The following SOBP variants were observed in gnomAD, a reference collection of about 807,000 sequenced individuals.
SOBP encodes the protein sine oculis-binding protein homolog.
SOBP carries 4 observed loss-of-function variants against 53.6 expected under a neutral mutation model. The ratio of observed to expected loss-of-function variants is 0.07; its 90% CI spans 0.04 to 0.17. SOBP has a LOEUF of 0.17. Among genes scored for constraint, SOBP ranks in the 10% least tolerant of loss-of-function variants. The pLI is 1.00. For synonymous variants in SOBP, 584 were observed against 522.6 expected (o/e 1.12, Z -1.60); for missense variants, 1,088 against 1,204.7 (o/e 0.90, Z 1.43).
At chr6:107,585,587 T>A (rs1175714480) in intron 4 of SOBP, among the ~76,000 whole-genome samples, 4 of 152,188 alleles carry the variant, frequency 2.6e-5, no homozygotes. Flanking sequence ...TATTTTAGTC[T>A]GATTTAGTAG....
At chr6:107,514,348 T>C (rs1783256273) in intron 3 of SOBP, 1 of 152,206 alleles carries the variant, frequency 6.6e-6, no homozygotes, top group Non-Finnish European at 1.5e-5. Flanking sequence ...AGAACTGTTA[T>C]ATTTATACAG....
At chr6:107,560,430 A>G (rs781268708) in intron 4 of SOBP, among the ~76,000 whole-genome samples, 4 of 152,080 alleles carry the variant, frequency 2.6e-5, no homozygotes, top group African/African-American at 7.2e-5. Flanking sequence ...TGTCCACCCA[A>G]TGACGGATTC....
intron 3 of SOBP, chr6:107,511,529 G>A (rs1199209313): frequency 5.3e-5 from 8 of 152,248 alleles, no homozygotes; most frequent in Non-Finnish European, 8.8e-5. Context: ...TCCCAAGCAT[G>A]TGTTTCATGT....
chr6:107,557,139 T>C (rs1784634251), intron 4 of SOBP, among the ~76,000 whole-genome samples: 1 of 152,192 alleles, frequency 6.6e-6, no homozygotes, highest in Non-Finnish European at 1.5e-5. Context: ...CAAGTGACCA[T>C]TTTGTGAATA....
intron 3 of SOBP, among the ~76,000 whole-genome samples, chr6:107,520,288 T>C (rs543858004): frequency 2.0e-5 from 3 of 152,324 alleles, no homozygotes; most frequent in East Asian, 1.9e-4. Flanking sequence ...GATTGTGTTA[T>C]TGTGAGAGCT....
At chr6:107,564,291 A>T (rs1264222073) in intron 4 of SOBP, among the ~76,000 whole-genome samples, 1 of 152,104 alleles carries the variant, frequency 6.6e-6, no homozygotes, top group African/African-American at 2.4e-5. Context: ...AAAGTATAAA[A>T]CACTCTCCTG....
intron 4 of SOBP, among the ~76,000 whole-genome samples, chr6:107,546,549 C>T (rs1266708543): frequency 6.6e-6 from 1 of 152,104 alleles, no homozygotes; most frequent in African/African-American, 2.4e-5. Context: ...AGGTATCTTC[C>T]CATGAGCATG....
In SOBP at chr6:107,506,420, A is replaced by T. The variant is rs1167539083; in HGVS notation, c.414A>T (p.Pro138=). The T allele has an allele frequency of 6.2e-7, 1 of 1,613,958 alleles. No individual in the cohort carries two copies. Among genetic ancestry groups the T allele is most frequent in the African/African-American group, 1.3e-5 (1 of 74,936 alleles). The change falls in exon 3 of 7, where the codon CCA becomes CCT. Residue 138 remains proline, a synonymous_variant. Transcript: ENST00000317357. ...TAATTCCACCACCTTTCATAAAGCCACCAGCAGGTAAGTCACTACTGGTGT... is the reference window on the plus strand; with the variant it reads ...TAATTCCACCACCTTTCATAAAGCCTCCAGCAGGTAAGTCACTACTGGTGT... ...VPLIPPPFIK[P]PAEDDVSNVQ... is the part of the protein sequence containing the mutation.
At chr6:107,656,605 T>C (rs1268551831) in intron 6 of SOBP, among the ~76,000 whole-genome samples, 1 of 152,220 alleles carries the variant, frequency 6.6e-6, no homozygotes, top group Admixed American at 6.5e-5. Context: ...TTTCAAACCT[T>C]GTTTTTGGCT....
rs552165436 is a variant in SOBP at position 107,635,851 on chromosome 6, T to A, written c.*3+382T>A. Among the ~76,000 whole-genome samples, 1 of 152,166 alleles carries A rather than the reference T, an allele frequency of 6.6e-6. No homozygotes were observed. The highest frequency in any genetic ancestry group is 2.4e-5 in the African/African-American group (1 of 41,428). On this transcript the variant is annotated intron_variant, in intron 6 of 6. Transcript: ENST00000317357. This position sits in a 1 kb window ranked among gnomAD's most constrained non-coding sequence, Gnocchi z 4.5. ...ATGGGGGGAGGGAGAAGAGATTAAC[T>A]TGGGACACCTAAATGTGTGATCATG... is the stretch of plus-strand genomic sequence containing the variant.
At chr6:107,528,003 A>C (rs1226231501) in intron 3 of SOBP, among the ~76,000 whole-genome samples, 2 of 152,126 alleles carry the variant, frequency 1.3e-5, no homozygotes, top group Non-Finnish European at 2.9e-5. Context: ...GCTCTTTCCA[A>C]GGCTAGAGAT....
intron 1 of SOBP, among the ~76,000 whole-genome samples, chr6:107,491,361 C>T (rs557347011): frequency 1.3e-5 from 2 of 152,340 alleles, no homozygotes; most frequent in Admixed American, 6.5e-5. Context: ...AAGCAGACCC[C>T]GGCCAGCCCC....
intron 5 of SOBP, among the ~76,000 whole-genome samples, chr6:107,592,311 T>C (rs1181207014): frequency 6.6e-6 from 1 of 152,170 alleles, no homozygotes; most frequent in Non-Finnish European, 1.5e-5. Context: ...CACCAGTACA[T>C]GTTAGCCTCT....
In SOBP at chr6:107,661,012, C is replaced by T. The variant is rs367878962; in HGVS notation, c.*2809C>T. ...GCAAGCCCAGCCAAGGACGTGCCAG[C>T]GGCCGAGGCACCCGGCTGTGGTTGT... On this transcript the variant is annotated 3_prime_UTR_variant, in exon 7 of 7. Coordinates refer to ENST00000317357, the MANE Select transcript of SOBP (RefSeq NM_018013.4). 2.0e-5 allele frequency among the ~76,000 whole-genome samples: 3 copies of T among 152,176 alleles called. No homozygotes were observed. Among genetic ancestry groups the T allele is most frequent in the African/African-American group, 2.4e-5 (1 of 41,440 alleles).
At chr6:107,566,104 AT>A (rs1342377557) in intron 4 of SOBP, among the ~76,000 whole-genome samples, 7 of 152,272 alleles carry the variant, frequency 4.6e-5, no homozygotes, top group Non-Finnish European at 1.0e-4. Flanking sequence ...TTTATCAAAA[AT>A]AAAATCTACT....
At chr6:107,641,430 G>A (rs1298849337) in intron 6 of SOBP, among the ~76,000 whole-genome samples, 1 of 152,166 alleles carries the variant, frequency 6.6e-6, no homozygotes, top group Non-Finnish European at 1.5e-5. Context: ...ACGATACAGG[G>A]AGACACTGTT....
At chr6:107,505,242 C>G (rs1782949752) in intron 2 of SOBP, among the ~76,000 whole-genome samples, 1 of 152,110 alleles carries the variant, frequency 6.6e-6, no homozygotes, top group African/African-American at 2.4e-5. Context: ...TTAGGCTTTC[C>G]CCTGGTAGCC....
Position 107,634,786 on chromosome 6 carries a change from G to A in SOBP, c.1942G>A (p.Gly648Ser), listed in dbSNP as rs1770929026. ...GCTCGGCTTCCCAGGCGTGCTGCAG[G>A]GCCCGCAGGACGGCGTCATCGACCT... is the stretch of plus-strand genomic sequence containing the variant. Reference protein sequence around the residue: ...GQLGFPGVLQGPQDGVIDLTV... With the variant: ...GQLGFPGVLQSPQDGVIDLTV... The change falls in exon 6 of 7, where the codon GGC becomes AGC. Residue 648 changes from glycine (G) to serine (S), a missense_variant. Gly to Ser is a moderately conservative substitution (Grantham distance 56). Around this residue, in one of 6 missense-constraint regions of SOBP, gnomAD observed 665 missense variants for 629.7 expected, o/e 1.06. Transcript: ENST00000317357. This position sits in a 1 kb window ranked among gnomAD's most constrained non-coding sequence, Gnocchi z 4.5. The A allele has an allele frequency of 2.9e-6, 4 of 1,395,618 alleles. No homozygotes were observed. The highest frequency in any genetic ancestry group is 2.6e-5 in the Admixed American group (1 of 38,540). The allele number at this position is 1,395,618 out of a possible 1,614,324, so 86.5% of individuals were successfully genotyped here.
intron 4 of SOBP, among the ~76,000 whole-genome samples, chr6:107,534,948 C>G (rs1438002567): frequency 6.6e-6 from 1 of 152,108 alleles, no homozygotes; most frequent in Non-Finnish European, 1.5e-5. Flanking sequence ...TTTTGAATGC[C>G]GAGCACTGGA....
Sources: gnomAD v4.1 joint callset for allele counts (sites outside exome capture counted in the v4.1 genomes callset) on GRCh38, gnomAD v4.1.1 for gene constraint, gnomAD v4.1.1 regional missense constraint, Gnocchi (gnomAD v3.1) non-coding constraint, MANE v1.5 for transcripts, NCBI Gene and HGNC (gene_info 2026-07-23, HGNC 2026-07-21) for gene names.